The following SENP7 variants were observed in gnomAD, a reference collection of about 807,000 sequenced individuals.
SENP7 encodes the protein SUMO specific peptidase 7.
A neutral mutation model predicts 141.2 loss-of-function variants in SENP7; 64 were observed. The ratio of observed to expected loss-of-function variants is 0.45; its 90% CI spans 0.37 to 0.56. SENP7 has a LOEUF of 0.56. Ranked by LOEUF, SENP7 falls within the 20% of genes least tolerant of loss-of-function variation. The pLI is 0.00. For synonymous variants in SENP7, 382 were observed against 426.4 expected, an observed-to-expected ratio of 0.90 and a Z score of 1.28; for missense variants, 1,025 against 1,212.2, an observed-to-expected ratio of 0.85 and a Z score of 2.29.
At chr3:101,513,004 C>T in intron 1 of SENP7, 87 bp downstream of exon 1, 4 of 1,477,558 alleles carry the variant, frequency 2.7e-6, no homozygotes, top group Middle Eastern at 1.9e-4. Flanking sequence ...CCCGCGGCTT[C>T]GGGCCGCAAC....
Position 101,363,138 on chromosome 3 carries a change from T to C in SENP7, c.1477-1277A>G, listed in dbSNP as rs528843427. 3.4e-4 allele frequency: 321 copies of C among 932,036 alleles called. 2 individuals carry two copies. The South Asian group carries it at 0.014, about 39-fold the overall frequency. 57.7% of individuals were successfully genotyped at this position (932,036 alleles called of 1,614,324 possible). On this transcript the variant is annotated intron_variant, in intron 10 of 23. Coordinates refer to ENST00000394095, the MANE Select transcript of SENP7 (RefSeq NM_020654.5). ...CTCATAACGCCATTTACCTGCTTAATTGAATTTCTTTGTCATTCTCATGTT... is the reference window on the plus strand; with the variant it reads ...CTCATAACGCCATTTACCTGCTTAACTGAATTTCTTTGTCATTCTCATGTT...
chr3:101,359,087 A>G (rs2059822965), intron 11 of SENP7: 1 of 152,220 alleles, frequency 6.6e-6, no homozygotes, highest in South Asian at 2.1e-4. Context: ...AGAAATGTAT[A>G]AAACGTGACA....
intron 13 of SENP7, among the ~76,000 whole-genome samples, chr3:101,346,179 T>C (rs2059448682): frequency 6.6e-6 from 1 of 152,152 alleles, no homozygotes; most frequent in African/African-American, 2.4e-5. Context: ...TCAACATCAC[T>C]AATAATCAGA....
chr3:101,467,937 C>T (rs940065401), intron 3 of SENP7, among the ~76,000 whole-genome samples: 7 of 152,094 alleles, frequency 4.6e-5, no homozygotes, highest in African/African-American at 1.4e-4. Flanking sequence ...TTGAACCCAT[C>T]GCAAGGAAGC....
intron 9 of SENP7, among the ~76,000 whole-genome samples, chr3:101,365,303 G>A (rs568606366): frequency 2.6e-5 from 4 of 151,224 alleles, no homozygotes; most frequent in Non-Finnish European, 5.9e-5. Context: ...GCACCCAGAC[G>A]AAAAATGTAT....
chr3:101,408,254 A>T (rs1043870356), intron 5 of SENP7, among the ~76,000 whole-genome samples: 8 of 152,130 alleles, frequency 5.3e-5, no homozygotes, highest in Non-Finnish European at 1.2e-4. Flanking sequence ...CCCTGAACAG[A>T]CCAATAACAA....
Position 101,482,102 on chromosome 3 carries a change from A to G in SENP7, c.186+11771T>C, listed in dbSNP as rs369854615. 2.6e-5 allele frequency among the ~76,000 whole-genome samples: 4 copies of G among 152,088 alleles called. No homozygotes were observed. In the East Asian group the frequency reaches 7.7e-4, roughly 29 times the overall value. On this transcript the variant is annotated intron_variant, in intron 3 of 23. Coordinates refer to ENST00000394095, the MANE Select transcript of SENP7 (RefSeq NM_020654.5). ...GAGGTGGGCAGATCATGAGGTCAGGAGATCGAGACCATCCTGGCTAACAAG... is the reference window on the plus strand; with the variant it reads ...GAGGTGGGCAGATCATGAGGTCAGGGGATCGAGACCATCCTGGCTAACAAG...
At chr3:101,374,117 T>C (rs899065322) in intron 6 of SENP7, among the ~76,000 whole-genome samples, 36 of 152,056 alleles carry the variant, frequency 2.4e-4, no homozygotes, top group African/African-American at 8.0e-4. Flanking sequence ...ATATCGACCA[T>C]AGAAATAGAA....
chr3:101,472,425 C>G (rs1215484440), intron 3 of SENP7, among the ~76,000 whole-genome samples: 2 of 151,932 alleles, frequency 1.3e-5, no homozygotes, highest in Non-Finnish European at 2.9e-5. Context: ...ACCGCATGTT[C>G]TCACTCGTAG....
chr3:101,407,253 T>G (rs2061332123), intron 5 of SENP7, among the ~76,000 whole-genome samples: 1 of 152,150 alleles, frequency 6.6e-6, no homozygotes, highest in African/African-American at 2.4e-5. Flanking sequence ...TAAACATATA[T>G]GCACCTAACA....
intron 19 of SENP7, 120 bp from the exon 20 acceptor site, chr3:101,330,506 G>C: frequency 1.9e-6 from 1 of 525,282 alleles, no homozygotes; most frequent in Non-Finnish European, 3.3e-6. Flanking sequence ...AAATACTTGA[G>C]ATTTAATTTT....
At chr3:101,401,365 C>T (rs2061136263) in intron 5 of SENP7, among the ~76,000 whole-genome samples, 1 of 151,706 alleles carries the variant, frequency 6.6e-6, no homozygotes, top group East Asian at 2.0e-4. Flanking sequence ...CCCGTCTCTA[C>T]TAAAAATACA....
chr3:101,492,186 A>G (rs1353285427), intron 3 of SENP7, among the ~76,000 whole-genome samples: 2 of 152,084 alleles, frequency 1.3e-5, no homozygotes, highest in Non-Finnish European at 2.9e-5. Flanking sequence ...TCACCTAAGC[A>G]ACACAGCAAA....
rs762649525 is a variant in SENP7 at position 101,347,976 on chromosome 3, T to C, written c.1733A>G (p.Asp578Gly). 1.6e-5 allele frequency: 26 copies of C among 1,611,494 alleles called. No homozygotes were observed. In the African/African-American group the frequency reaches 2.1e-4, roughly 13 times the overall value. The change falls in exon 13 of 24, where the codon GAT becomes GGT. Residue 578 changes from aspartate (D) to glycine (G), a missense_variant. Physicochemically the swap from Asp to Gly is moderately conservative, Grantham distance 94 (BLOSUM62 -1). Coordinates refer to ENST00000394095, the MANE Select transcript of SENP7 (RefSeq NM_020654.5). ...KRFGLWKSKD[D>G]NHSKRSHAIL... ...AGCATGACTCCTTTTACTGTGATTA[T>C]CATCCTTACTTTTCCATAACCCAAA... is the stretch of plus-strand genomic sequence containing the variant.
chr3:101,512,974 TC>T, intron 1 of SENP7, 116 bp downstream of exon 1: 2 of 1,181,152 alleles, frequency 1.7e-6, no homozygotes, highest in Non-Finnish European at 1.3e-6. Context: ...CCCCTTCCTC[TC>T]CCCGCCCCCG....
chr3:101,461,528 G>T (rs1284623388), intron 3 of SENP7, among the ~76,000 whole-genome samples: 2 of 151,906 alleles, frequency 1.3e-5, no homozygotes, highest in African/African-American at 4.8e-5. Context: ...GTGTTGCTGA[G>T]TATATGAAGA....
chr3:101,342,549 C>T (rs1176221229), intron 14 of SENP7, among the ~76,000 whole-genome samples: 1 of 152,156 alleles, frequency 6.6e-6, no homozygotes, highest in East Asian at 1.9e-4. Flanking sequence ...AAAAAATTAA[C>T]ATTGGCCTAA....
At chr3:101,333,044 T>A (rs1458605055) in intron 17 of SENP7, 182 bp from the exon 18 acceptor site, 2 of 560,796 alleles carry the variant, frequency 3.6e-6, no homozygotes, top group Admixed American at 4.2e-5. Flanking sequence ...TTCTTAAATT[T>A]AATAACTATA....
intron 3 of SENP7, among the ~76,000 whole-genome samples, chr3:101,491,174 G>C (rs2064954037): frequency 6.7e-6 from 1 of 150,146 alleles, no homozygotes; most frequent in East Asian, 1.9e-4. Flanking sequence ...CCAGGCTGGA[G>C]TATAGTGGCA....
Sources: gnomAD v4.1 joint callset for allele counts (sites outside exome capture counted in the v4.1 genomes callset) on GRCh38, gnomAD v4.1.1 for gene constraint, MANE v1.5 for transcripts, NCBI Gene and HGNC (gene_info 2026-07-23, HGNC 2026-07-21) for gene names.